CTTNBP2: variants seen among roughly 807,000 people sequenced by gnomAD.
CTTNBP2 encodes cortactin binding protein 2.
A neutral mutation model predicts 156.9 loss-of-function variants in CTTNBP2; 108 were observed. The ratio of observed to expected loss-of-function variants is 0.69; its 90% CI spans 0.59 to 0.81. CTTNBP2 has a LOEUF of 0.81. CTTNBP2 is among the 30% of genes least tolerant of loss of function. The pLI is 0.00. For missense variants in CTTNBP2, 1,924 were observed against 2,035.4 expected, an observed-to-expected ratio of 0.95 and a Z score of 1.05; for synonymous variants, 767 against 751.8, an observed-to-expected ratio of 1.02 and a Z score of -0.33.
chr7:117,831,442 T>C (rs1280750384), intron 2 of CTTNBP2, among the ~76,000 whole-genome samples: 1 of 152,018 alleles, frequency 6.6e-6, no homozygotes, highest in Admixed American at 6.5e-5. Flanking sequence ...ATAAGGAGTG[T>C]AGTGAAGTTT....
intron 12 of CTTNBP2, among the ~76,000 whole-genome samples, chr7:117,749,023 T>G (rs1796486484): frequency 6.6e-6 from 1 of 152,208 alleles, no homozygotes; most frequent in Non-Finnish European, 1.5e-5. Flanking sequence ...TCTTGAACTT[T>G]CCACACCCTG....
chr7:117,777,225 T>C (rs1224871831), intron 8 of CTTNBP2, among the ~76,000 whole-genome samples: 1 of 152,196 alleles, frequency 6.6e-6, no homozygotes, highest in Non-Finnish European at 1.5e-5. Context: ...ACTAAATCAA[T>C]GCCAATGATT....
intron 12 of CTTNBP2, among the ~76,000 whole-genome samples, chr7:117,750,714 A>G (rs1034021837): frequency 4.6e-5 from 7 of 152,296 alleles, no homozygotes; most frequent in African/African-American, 1.4e-4. Context: ...AAGACATTAC[A>G]TATTGTTTTG....
In CTTNBP2 at chr7:117,735,428, TA is replaced by T; in HGVS notation, c.3536-8del. 1 of 1,584,322 alleles carries T rather than the reference TA, an allele frequency of 6.3e-7. No individual in the cohort carries two copies. Among genetic ancestry groups the T allele is most frequent in the Admixed American group, 2.0e-5 (1 of 50,278 alleles). ...TTCACTGGGATCAGACAAGCTATAA[TA>T]AAAAAGGAAATTCAGTGATTCAAGC... On this transcript the variant is annotated splice_region_variant and splice_polypyrimidine_tract_variant and intron_variant, in intron 14 of 22. Coordinates refer to ENST00000160373, the MANE Select transcript of CTTNBP2 (RefSeq NM_033427.3).
chr7:117,764,325 C>T (rs185045674), intron 9 of CTTNBP2, among the ~76,000 whole-genome samples: 13 of 152,290 alleles, frequency 8.5e-5, no homozygotes, highest in Non-Finnish European at 1.5e-4. Context: ...CCCTCCTCTC[C>T]CCAGCACTGC....
At chr7:117,727,726 A>C (rs922582753) in intron 17 of CTTNBP2, among the ~76,000 whole-genome samples, 22 of 152,214 alleles carry the variant, frequency 1.4e-4, no homozygotes, top group Non-Finnish European at 2.5e-4. Flanking sequence ...CATATGTCTC[A>C]ATAAAGGGAA....
rs147433452 is a variant in CTTNBP2 at position 117,818,293 on chromosome 7, C to A, written c.190-7304G>T. 1.9e-3 allele frequency among the ~76,000 whole-genome samples: 289 copies of A among 152,112 alleles called. 3 individuals are homozygous for A. In the East Asian group the frequency reaches 0.03, roughly 16 times the overall value. ...GTTACCTAAGAATAATAAAAAAAAACCAAAAACCAGCATTAATATAGATCT... is the reference window on the plus strand; with the variant it reads ...GTTACCTAAGAATAATAAAAAAAAAACAAAAACCAGCATTAATATAGATCT... On this transcript the variant is annotated intron_variant, in intron 2 of 22. Coordinates refer to ENST00000160373, the MANE Select transcript of CTTNBP2 (RefSeq NM_033427.3).
At chr7:117,841,926 T>C (rs1802299828) in intron 2 of CTTNBP2, among the ~76,000 whole-genome samples, 1 of 152,156 alleles carries the variant, frequency 6.6e-6, no homozygotes, top group Non-Finnish European at 1.5e-5. Flanking sequence ...ACAGCAGGGA[T>C]GTTACTAGAA....
At chr7:117,841,151 TA>T (rs1802250411) in intron 2 of CTTNBP2, among the ~76,000 whole-genome samples, 1 of 152,218 alleles carries the variant, frequency 6.6e-6, no homozygotes, top group Non-Finnish European at 1.5e-5. Context: ...CATTGTTTTG[TA>T]GTTCTGCAAA....
chr7:117,828,597 G>T (rs1293896209), intron 2 of CTTNBP2, among the ~76,000 whole-genome samples: 1 of 152,216 alleles, frequency 6.6e-6, no homozygotes, highest in African/African-American at 2.4e-5. Flanking sequence ...ATCAAGTGTA[G>T]TGCATAGGTT....
chr7:117,799,203 A>T (rs186616728), intron 3 of CTTNBP2, among the ~76,000 whole-genome samples: 3,727 of 151,838 alleles, frequency 0.025, 112 homozygotes, highest in Non-Finnish European at 0.028. Context: ...CAAAACAAAA[A>T]TTTTTTTTAA....
intron 19 of CTTNBP2, among the ~76,000 whole-genome samples, 199 bp from the exon 20 acceptor site, chr7:117,721,329 T>C (rs1441723407): frequency 6.6e-6 from 1 of 152,216 alleles, no homozygotes; most frequent in African/African-American, 2.4e-5. Flanking sequence ...AGTCAAGGAA[T>C]AGCCAACTCC....
At chr7:117,773,411 G>A (rs1797899968) in intron 8 of CTTNBP2, among the ~76,000 whole-genome samples, 1 of 152,132 alleles carries the variant, frequency 6.6e-6, no homozygotes, top group Non-Finnish European at 1.5e-5. Context: ...ACATAAAAAT[G>A]ATCTAAAGTG....
At chr7:117,827,210 A>C (rs1161142341) in intron 2 of CTTNBP2, among the ~76,000 whole-genome samples, 1 of 152,204 alleles carries the variant, frequency 6.6e-6, no homozygotes, top group East Asian at 1.9e-4. Flanking sequence ...CTTCTGAAGA[A>C]GGGTTTGATA....
intron 14 of CTTNBP2, among the ~76,000 whole-genome samples, chr7:117,735,684 T>C (rs1026735027): frequency 6.6e-6 from 1 of 152,064 alleles, no homozygotes; most frequent in Non-Finnish European, 1.5e-5. Flanking sequence ...AACAATAGAA[T>C]AAATGAATAA....
At chr7:117,785,683 TTTATG>T (rs1798669750) in intron 4 of CTTNBP2, among the ~76,000 whole-genome samples, 1 of 152,200 alleles carries the variant, frequency 6.6e-6, no homozygotes, top group Non-Finnish European at 1.5e-5. Context: ...GCAGTAAAAT[TTTATG>T]TTAAGGAACT....
chr7:117,773,688 CACACACACACACACA>C (rs1797923953), intron 8 of CTTNBP2, among the ~76,000 whole-genome samples: 1 of 150,066 alleles, frequency 6.7e-6, no homozygotes, highest in Non-Finnish European at 1.5e-5. Flanking sequence ...CACACACACA[CACACACACACACACA>C]CACACCCCAA....
chr7:117,767,321 CAGA>C (rs1460084405), intron 8 of CTTNBP2, 145 bp from the exon 9 acceptor site: 1 of 615,538 alleles, frequency 1.6e-6, no homozygotes, highest in Non-Finnish European at 2.9e-6. Flanking sequence ...CCCCAATATA[CAGA>C]TTAATCTTAA....
intron 2 of CTTNBP2, among the ~76,000 whole-genome samples, chr7:117,853,314 G>A (rs1803049827): frequency 6.6e-6 from 1 of 152,156 alleles, no homozygotes; most frequent in Non-Finnish European, 1.5e-5. Context: ...TTAGCTGGTT[G>A]TGAACAGAGG....
Sources: gnomAD v4.1 joint callset for allele counts (sites outside exome capture counted in the v4.1 genomes callset) on GRCh38, gnomAD v4.1.1 for gene constraint, MANE v1.5 for transcripts, NCBI Gene and HGNC (gene_info 2026-07-23, HGNC 2026-07-21) for gene names.